The following TTC29 variants were observed in gnomAD, a reference collection of about 807,000 sequenced individuals.
The protein encoded by TTC29 is tetratricopeptide repeat protein 29.
TTC29 carries 49 observed loss-of-function variants against 58.1 expected under a neutral mutation model. That is an observed-to-expected ratio of 0.84 (90% CI 0.67 to 1.07). The LOEUF is 1.07. Ranked by LOEUF, TTC29 falls within the 50% of genes least tolerant of loss-of-function variation. TTC29 has a pLI of 0.00. For synonymous variants in TTC29, 209 were observed against 196.8 expected (o/e 1.06, Z -0.52); for missense variants, 582 against 555.6 (o/e 1.05, Z -0.48).
chr4:146,804,700 G>A (rs771952463), intron 10 of TTC29, among the ~76,000 whole-genome samples: 12 of 152,192 alleles, frequency 7.9e-5, no homozygotes, highest in Admixed American at 1.3e-4. Flanking sequence ...GCCTCTCTGG[G>A]CAGGGCATCT....
chr4:146,885,379 G>A (rs1047952500), intron 6 of TTC29, among the ~76,000 whole-genome samples: 3 of 151,940 alleles, frequency 2.0e-5, no homozygotes, highest in African/African-American at 7.3e-5. Context: ...CACTCAAAAT[G>A]TACTTATTTT....
At chr4:146,942,506 C>A in intron 2 of TTC29, 2 of 791,816 alleles carry the variant, frequency 2.5e-6, no homozygotes, top group Non-Finnish European at 2.0e-6. Flanking sequence ...TCATACAGAG[C>A]ATATGGTAAG....
chr4:146,709,566 C>A (rs1307951009), intron 11 of TTC29, among the ~76,000 whole-genome samples: 1 of 152,136 alleles, frequency 6.6e-6, no homozygotes, highest in Admixed American at 6.6e-5. Flanking sequence ...TCCTCTCCTG[C>A]ACTGTATAGT....
chr4:146,811,563 C>T (rs1474206962), intron 10 of TTC29, among the ~76,000 whole-genome samples: 2 of 152,176 alleles, frequency 1.3e-5, no homozygotes, highest in African/African-American at 4.8e-5. Context: ...TGCATGTGCA[C>T]TCTTTTGAAC....
chr4:146,854,304 A>T (rs1387408082), intron 8 of TTC29, among the ~76,000 whole-genome samples: 1 of 152,178 alleles, frequency 6.6e-6, no homozygotes, highest in Non-Finnish European at 1.5e-5. Flanking sequence ...ATTGCTGCCC[A>T]TGCTTTTGTA....
At chr4:146,909,346 C>T (rs529897738) in intron 4 of TTC29, 97 bp from the exon 5 acceptor site, 16 of 965,816 alleles carry the variant, frequency 1.7e-5, no homozygotes, top group South Asian at 1.3e-4. Context: ...AATCATGTTG[C>T]CTTTTATCCC....
intron 6 of TTC29, among the ~76,000 whole-genome samples, chr4:146,889,275 G>T (rs1732195584): frequency 6.6e-6 from 1 of 151,942 alleles, no homozygotes; most frequent in Non-Finnish European, 1.5e-5. Context: ...TAATCTTCAT[G>T]ATTATCTTTT....
chr4:146,919,489 G>C (rs1371850367), intron 4 of TTC29, among the ~76,000 whole-genome samples: 7 of 150,840 alleles, frequency 4.6e-5, no homozygotes, highest in Non-Finnish European at 1.0e-4. Context: ...GGACTACAAA[G>C]AGTGGACTAA....
chr4:146,821,492 C>T (rs1478234635), intron 9 of TTC29, among the ~76,000 whole-genome samples: 1 of 152,152 alleles, frequency 6.6e-6, no homozygotes, highest in East Asian at 1.9e-4. Context: ...CTCTTGAAAG[C>T]TTTCATTGGT....
In TTC29 at chr4:146,902,118, C is replaced by T. The variant is rs559603527; in HGVS notation, c.586+1426G>A. Reference sequence around the variant, plus strand: ...TACAGTAGTTTTCCATTGTTTTATCCGAGTTAATTACATTGAGTGCAGCAG... The same window carrying T: ...TACAGTAGTTTTCCATTGTTTTATCTGAGTTAATTACATTGAGTGCAGCAG... On this transcript the variant is annotated intron_variant, in intron 6 of 12. Transcript: ENST00000325106. Among the ~76,000 whole-genome samples, 55 of 152,168 alleles carry T rather than the reference C, an allele frequency of 3.6e-4. No homozygotes were observed. In the South Asian group the frequency reaches 0.01, roughly 29 times the overall value.
intron 6 of TTC29, among the ~76,000 whole-genome samples, chr4:146,897,034 G>T (rs1426550304): frequency 6.6e-6 from 1 of 152,050 alleles, no homozygotes; most frequent in Non-Finnish European, 1.5e-5. Flanking sequence ...CCTCAGTTAG[G>T]AGGATGCTCT....
chr4:146,912,615 G>A (rs558298965), intron 4 of TTC29, among the ~76,000 whole-genome samples: 1 of 152,216 alleles, frequency 6.6e-6, no homozygotes, highest in South Asian at 2.1e-4. Flanking sequence ...GGAGGATCAA[G>A]GCTCAGGGCC....
At chr4:146,751,456 T>A (rs997334695) in intron 11 of TTC29, among the ~76,000 whole-genome samples, 1 of 152,194 alleles carries the variant, frequency 6.6e-6, no homozygotes, top group African/African-American at 2.4e-5. Flanking sequence ...GACCATACGT[T>A]AGGCCACAAA....
At chr4:146,895,071 T>G (rs1008302227) in intron 6 of TTC29, among the ~76,000 whole-genome samples, 3 of 152,158 alleles carry the variant, frequency 2.0e-5, no homozygotes, top group Admixed American at 2.0e-4. Context: ...TGAGAACATA[T>G]GGTATTTGGT....
At chr4:146,718,213 T>A (rs1743083497) in intron 11 of TTC29, among the ~76,000 whole-genome samples, 1 of 152,178 alleles carries the variant, frequency 6.6e-6, no homozygotes, top group African/African-American at 2.4e-5. Flanking sequence ...CATGCTGATT[T>A]CAAATATTTG....
At chr4:146,722,850 G>A (rs7657772) in intron 11 of TTC29, among the ~76,000 whole-genome samples, 6 of 151,982 alleles carry the variant, frequency 3.9e-5, no homozygotes, top group South Asian at 2.1e-4. Flanking sequence ...GGTATGCACC[G>A]CCATACCCTG....
At chr4:146,922,824 G>T (rs1734685131) in intron 4 of TTC29, among the ~76,000 whole-genome samples, 1 of 151,608 alleles carries the variant, frequency 6.6e-6, no homozygotes, top group East Asian at 1.9e-4. Flanking sequence ...AACATTATTA[G>T]AAAATATCAT....
At chr4:146,735,647 G>A (rs1185785130) in intron 11 of TTC29, among the ~76,000 whole-genome samples, 1 of 152,164 alleles carries the variant, frequency 6.6e-6, no homozygotes. Context: ...TACTTTCTAT[G>A]TAAGCCATGG....
chr4:146,774,174 A>G (rs1228410774), intron 11 of TTC29, among the ~76,000 whole-genome samples: 1 of 152,076 alleles, frequency 6.6e-6, no homozygotes, highest in Non-Finnish European at 1.5e-5. Flanking sequence ...CTTTCAAAAA[A>G]CCAACTCCTG....
Sources: allele counts gnomAD v4.1 joint callset (sites outside exome capture counted in the v4.1 genomes callset), GRCh38; gene constraint gnomAD v4.1.1; transcripts MANE v1.5; gene names NCBI Gene and HGNC (gene_info 2026-07-23, HGNC 2026-07-21).